Variants in MAP2 observed in about 807,000 individuals in gnomAD.
MAP2 encodes the protein microtubule-associated protein 2.
In MAP2, 14 loss-of-function variants were observed where a neutral mutation model predicts 137.6. The ratio of observed to expected loss-of-function variants is 0.10; its 90% CI spans 0.07 to 0.16. The LOEUF (loss-of-function observed/expected upper bound fraction) is 0.16, where lower values mean the gene tolerates loss of function less well. Among genes scored for constraint, MAP2 ranks in the 10% least tolerant of loss-of-function variants. MAP2 has a pLI of 1.00. For missense variants in MAP2, 2,088 were observed against 2,191.5 expected (o/e 0.95, Z 0.94); for synonymous variants, 786 against 782.3 (o/e 1.00, Z -0.08).
intron 2 of MAP2, among the ~76,000 whole-genome samples, chr2:209,515,515 C>T (rs941259368): frequency 2.0e-5 from 3 of 151,986 alleles, no homozygotes; most frequent in Non-Finnish European, 4.4e-5. Flanking sequence ...GGAGTATGTG[C>T]GAGCACGATG....
chr2:209,656,813 A>C (rs749732376), intron 5 of MAP2, among the ~76,000 whole-genome samples: 11 of 152,078 alleles, frequency 7.2e-5, no homozygotes, highest in Non-Finnish European at 1.0e-4. Flanking sequence ...ATACAAGTGC[A>C]GTTTTGTTAC....
chr2:209,605,941 A>G (rs529744890), intron 3 of MAP2, among the ~76,000 whole-genome samples: 3 of 152,304 alleles, frequency 2.0e-5, no homozygotes, highest in Non-Finnish European at 4.4e-5. Context: ...CTGGAAATCA[A>G]CTCAAGAGGA....
At chr2:209,481,027 T>C (rs1708624179) in intron 1 of MAP2, among the ~76,000 whole-genome samples, 1 of 152,176 alleles carries the variant, frequency 6.6e-6, no homozygotes, top group Non-Finnish European at 1.5e-5. Context: ...GATTGTTACA[T>C]GTAGTTAACT....
intron 5 of MAP2, among the ~76,000 whole-genome samples, chr2:209,664,194 A>G (rs956748098): frequency 1.3e-5 from 2 of 152,176 alleles, no homozygotes; most frequent in African/African-American, 2.4e-5. Flanking sequence ...TCCTTTTTGT[A>G]TATAACACAG....
chr2:209,468,288 T>C (rs1195557426), intron 1 of MAP2, among the ~76,000 whole-genome samples: 17 of 150,966 alleles, frequency 1.1e-4, no homozygotes, highest in African/African-American at 3.9e-4. Context: ...CTAAAAAGTC[T>C]CATGGAGGAT....
At chr2:209,605,676 A>G (rs753947868) in intron 3 of MAP2, among the ~76,000 whole-genome samples, 1 of 152,036 alleles carries the variant, frequency 6.6e-6, no homozygotes, top group South Asian at 2.1e-4. Flanking sequence ...CACTTACTCA[A>G]TTTTTCCTAG....
At chr2:209,689,841 A>G (rs1028054811) in intron 7 of MAP2, among the ~76,000 whole-genome samples, 3 of 152,208 alleles carry the variant, frequency 2.0e-5, no homozygotes, top group African/African-American at 4.8e-5. Flanking sequence ...AGACTTTTGT[A>G]AACAGATTTA....
chr2:209,444,311 T>C (rs1698527870), intron 1 of MAP2, among the ~76,000 whole-genome samples: 1 of 151,660 alleles, frequency 6.6e-6, no homozygotes, highest in Non-Finnish European at 1.5e-5. Context: ...TGCTCAAGGA[T>C]TAATTATATT....
In MAP2 at chr2:209,441,347, C is replaced by T. The variant is rs144014174; in HGVS notation, c.-222+17071C>T. On this transcript the variant is annotated intron_variant, in intron 1 of 15. Coordinates refer to ENST00000682079, the MANE Select transcript of MAP2 (RefSeq NM_001375505.1). Reference sequence around the variant, plus strand: ...GGCAGTTAAGTCTTAATTCATCAGGCGTATGGATAAAACATTACTCATAAA... The same window carrying T: ...GGCAGTTAAGTCTTAATTCATCAGGTGTATGGATAAAACATTACTCATAAA... Among the ~76,000 whole-genome samples, 1,055 of 149,692 alleles carry T rather than the reference C, an allele frequency of 7.0e-3. 13 individuals are homozygous for T. The highest frequency in any genetic ancestry group is 0.024 in the African/African-American group (961 of 40,420).
At chr2:209,724,235 G>A (rs1368119692) in intron 13 of MAP2, among the ~76,000 whole-genome samples, 3 of 152,082 alleles carry the variant, frequency 2.0e-5, no homozygotes, top group African/African-American at 4.8e-5. Flanking sequence ...CAAGTCCAGT[G>A]TACACTTTAG....
chr2:209,445,100 G>A (rs1435871406), intron 1 of MAP2, among the ~76,000 whole-genome samples: 1 of 151,462 alleles, frequency 6.6e-6, no homozygotes, highest in Non-Finnish European at 1.5e-5. Flanking sequence ...CTCAGATTTT[G>A]ATTTAGAATC....
chr2:209,494,181 G>A (rs2059463196), intron 1 of MAP2, among the ~76,000 whole-genome samples: 1 of 152,064 alleles, frequency 6.6e-6, no homozygotes, highest in Non-Finnish European at 1.5e-5. Context: ...ACTAACACAG[G>A]AACAGAAAAC....
chr2:209,721,449 G>C (rs932185062), intron 13 of MAP2, among the ~76,000 whole-genome samples: 4 of 152,174 alleles, frequency 2.6e-5, no homozygotes, highest in Non-Finnish European at 5.9e-5. Context: ...AAGTCTACCT[G>C]CAAGAGAGGC....
intron 2 of MAP2, among the ~76,000 whole-genome samples, chr2:209,520,389 ATAAAATG>A (rs979961770): frequency 1.3e-5 from 2 of 152,108 alleles, no homozygotes; most frequent in Admixed American, 1.3e-4. Flanking sequence ...TAGGAACAGC[ATAAAATG>A]CATATTTTTT....
rs759702450 is a variant in MAP2, at chr2:209,704,358, A to G, written c.4585-1222A>G. 53 of 1,077,630 alleles carry G rather than the reference A, an allele frequency of 4.9e-5. 1 individual carries two copies. In the South Asian group the frequency reaches 9.7e-4, roughly 20 times the overall value. 66.8% of individuals were successfully genotyped at this position (1,077,630 alleles called of 1,614,324 possible). ...ATGTGTTCTTATTAAAAAGACTTTG[A>G]GTTTCTTATATGTTTATACTTCTTT... On this transcript the variant is annotated intron_variant, in intron 11 of 15. Coordinates refer to ENST00000682079, the MANE Select transcript of MAP2 (RefSeq NM_001375505.1).
At chr2:209,435,008 C>T (rs1355802145) in intron 1 of MAP2, among the ~76,000 whole-genome samples, 2 of 147,430 alleles carry the variant, frequency 1.4e-5, no homozygotes, top group Non-Finnish European at 3.0e-5. Flanking sequence ...GAATAGTATT[C>T]TTGGAATTAT....
At chr2:209,511,956 G>T (rs1345274256) in intron 2 of MAP2, among the ~76,000 whole-genome samples, 3 of 152,028 alleles carry the variant, frequency 2.0e-5, no homozygotes, top group African/African-American at 7.2e-5. Context: ...GAACAGGGTG[G>T]ATGTTGTGCT....
intron 1 of MAP2, among the ~76,000 whole-genome samples, chr2:209,453,141 A>G (rs1700686873): frequency 6.6e-6 from 1 of 152,282 alleles, no homozygotes. Context: ...GGTGTGCCTT[A>G]TGGTCTTTGT....
chr2:209,533,373 G>A (rs899269066), intron 2 of MAP2, among the ~76,000 whole-genome samples: 3 of 152,192 alleles, frequency 2.0e-5, no homozygotes, highest in African/African-American at 7.2e-5. Context: ...TCGAATTCCT[G>A]ACCTCAGGTG....
Sources: allele counts gnomAD v4.1 joint callset (sites outside exome capture counted in the v4.1 genomes callset), GRCh38; gene constraint gnomAD v4.1.1; transcripts MANE v1.5; gene names NCBI Gene and HGNC (gene_info 2026-07-23, HGNC 2026-07-21).